Variants in TCF4 observed in about 807,000 individuals in gnomAD.
TCF4 encodes SL3-3 enhancer factor 2.
Under a neutral mutation model 82.1 loss-of-function variants are expected in TCF4, and 3 were observed. The observed-to-expected ratio is 0.04, with a 90% confidence interval of 0.02 to 0.09. The LOEUF (loss-of-function observed/expected upper bound fraction) is 0.09, where lower values mean the gene tolerates loss of function less well. Ranked by LOEUF, TCF4 falls within the 10% of genes least tolerant of loss-of-function variation. The pLI, the probability that TCF4 is intolerant of heterozygous loss-of-function variation, is 1.00. For synonymous variants in TCF4, 276 were observed against 309.6 expected, an observed-to-expected ratio of 0.89 and a Z score of 1.14; for missense variants, 518 against 852.7, an observed-to-expected ratio of 0.61 and a Z score of 4.89.
chr18:55,618,454 T>C (rs536962871), intron 2 of TCF4, among the ~76,000 whole-genome samples: 87 of 152,306 alleles, frequency 5.7e-4, no homozygotes, highest in African/African-American at 2.0e-3. Context: ...TGTTTCCTCT[T>C]TAATTTCTGA....
intron 8 of TCF4, among the ~76,000 whole-genome samples, chr18:55,309,963 A>G (rs1162228206): frequency 2.0e-5 from 3 of 152,252 alleles, no homozygotes; most frequent in Non-Finnish European, 4.4e-5. Context: ...AAAAATTACC[A>G]TAAAAATAGT....
intron 2 of TCF4, among the ~76,000 whole-genome samples, chr18:55,627,901 A>T (rs1330388925): frequency 2.0e-5 from 3 of 152,140 alleles, no homozygotes; most frequent in African/African-American, 7.2e-5. Flanking sequence ...TCTACTAAAA[A>T]TACAAAAAAT....
chr18:55,414,694 C>T (rs2094466931), intron 5 of TCF4, among the ~76,000 whole-genome samples: 1 of 152,156 alleles, frequency 6.6e-6, no homozygotes, highest in African/African-American at 2.4e-5. Flanking sequence ...GGTAGAGAGG[C>T]TGACACTCTT....
In TCF4 at chr18:55,515,762, G is replaced by C. The variant is rs190520592; in HGVS notation, c.146-51625C>G. Among the ~76,000 whole-genome samples, 436 of 152,236 alleles carry C rather than the reference G, an allele frequency of 2.9e-3. 3 individuals are homozygous for C. The highest frequency in any genetic ancestry group is 2.6e-3 in the Non-Finnish European group (180 of 68,008). On this transcript the variant is annotated intron_variant, in intron 3 of 19. Transcript: ENST00000354452. ...AATGTCGTGTGAGAAAACTTGGCTT[G>C]AAAAGGACAGAACAAAATGAAGAGA...
intron 2 of TCF4, among the ~76,000 whole-genome samples, chr18:55,624,280 G>T (rs914674253): frequency 1.3e-5 from 2 of 151,706 alleles, no homozygotes; most frequent in African/African-American, 4.8e-5. Flanking sequence ...AGACCTCCAC[G>T]AAGAATCAGC....
At chr18:55,401,173 G>A (rs2093795359) in intron 6 of TCF4, 5 of 1,236,422 alleles carry the variant, frequency 4.0e-6, no homozygotes, top group Non-Finnish European at 5.2e-6. Flanking sequence ...ACTATGGTCT[G>A]TTCTATTCTC....
At position 55,401,102 on chromosome 18, in the gene TCF4, G is replaced by A. The variant is rs2093789475; in HGVS notation, c.369+2352C>T. 4 of 1,288,934 alleles carry A rather than the reference G, an allele frequency of 3.1e-6. No individual in the cohort carries two copies. The African/African-American group carries it at 4.6e-5, about 15-fold the overall frequency. The allele number at this position is 1,288,934 out of a possible 1,614,324, so 79.8% of individuals were successfully genotyped here. A position where few individuals can be genotyped will look rare whatever the true frequency, so the allele number is the denominator to read the frequency against. On this transcript the variant is annotated intron_variant, in intron 6 of 19. Coordinates refer to ENST00000354452, the MANE Select transcript of TCF4 (RefSeq NM_001083962.2). ...TTTCTCTTTGGTTTGCATAGCTGAT[G>A]TTGTAGACAGGGATTCAAATAACAA...
intron 3 of TCF4, among the ~76,000 whole-genome samples, chr18:55,541,481 A>G (rs1471892466): frequency 6.6e-6 from 1 of 152,024 alleles, no homozygotes. Flanking sequence ...AATAAAAATC[A>G]TGTTGATGCT....
At position 55,524,772 on chromosome 18, in the gene TCF4, C is replaced by A. The variant is rs934686239; in HGVS notation, c.145+60508G>T. On this transcript the variant is annotated intron_variant, in intron 3 of 19. Coordinates refer to ENST00000354452, the MANE Select transcript of TCF4 (RefSeq NM_001083962.2). ...AACTGAAGGCCAGAGAATAATTTCC[C>A]ATCTGGTGTGCTGCTCTGAGTATCC... 2.6e-5 allele frequency among the ~76,000 whole-genome samples: 4 copies of A among 152,142 alleles called. No homozygotes were observed. The East Asian group carries it at 7.7e-4, about 29-fold the overall frequency.
intron 3 of TCF4, among the ~76,000 whole-genome samples, chr18:55,486,411 G>A (rs2145702787): frequency 6.6e-6 from 1 of 152,132 alleles, no homozygotes; most frequent in Middle Eastern, 3.4e-3. Flanking sequence ...GGCCAACATG[G>A]TGAAATTCCA....
At chr18:55,269,303 T>C (rs1180692785) in intron 11 of TCF4, 1 of 158,998 alleles carries the variant, frequency 6.3e-6, no homozygotes, top group African/African-American at 2.4e-5. Flanking sequence ...AGTGAACAAA[T>C]ACTTCTTCCC....
intron 15 of TCF4, among the ~76,000 whole-genome samples, chr18:55,251,678 C>G (rs1414493240): frequency 1.3e-5 from 2 of 152,286 alleles, no homozygotes; most frequent in East Asian, 1.9e-4. Flanking sequence ...CAATACAAAA[C>G]CGGGACTGGG....
At chr18:55,232,705 C>A in intron 16 of TCF4, 34 bp from the exon 17 acceptor site, 1 of 1,613,532 alleles carries the variant, frequency 6.2e-7, no homozygotes, top group Non-Finnish European at 8.5e-7. Flanking sequence ...GACATGTACA[C>A]CACAATCTCA....
chr18:55,428,005 T>C (rs1159895295), intron 5 of TCF4, among the ~76,000 whole-genome samples: 1 of 152,164 alleles, frequency 6.6e-6, no homozygotes, highest in African/African-American at 2.4e-5. Flanking sequence ...AAAAATCACA[T>C]TAGAAGTACA....
chr18:55,270,683 A>T (rs928792373), intron 10 of TCF4, among the ~76,000 whole-genome samples: 1 of 152,156 alleles, frequency 6.6e-6, no homozygotes, highest in Non-Finnish European at 1.5e-5. Flanking sequence ...ACTTGGTTTA[A>T]GACTCTGCTT....
intron 5 of TCF4, among the ~76,000 whole-genome samples, chr18:55,408,267 G>T (rs1268719093): frequency 6.6e-6 from 1 of 152,150 alleles, no homozygotes. Context: ...ATCTGATGCT[G>T]CAGGACAACA....
intron 3 of TCF4, among the ~76,000 whole-genome samples, chr18:55,527,881 T>C (rs1181808427): frequency 6.6e-6 from 1 of 152,150 alleles, no homozygotes; most frequent in Non-Finnish European, 1.5e-5. Flanking sequence ...GTTTTAAGTA[T>C]AGACACACCC....
intron 15 of TCF4, among the ~76,000 whole-genome samples, chr18:55,249,641 C>T (rs1441426833): frequency 6.6e-6 from 1 of 152,166 alleles, no homozygotes; most frequent in Non-Finnish European, 1.5e-5. Flanking sequence ...CCTGTGAATT[C>T]CTTGAGAGCA....
intron 15 of TCF4, among the ~76,000 whole-genome samples, chr18:55,246,466 A>C (rs900335794): frequency 6.6e-6 from 1 of 152,124 alleles, no homozygotes; most frequent in Non-Finnish European, 1.5e-5. Context: ...ATTCATGTGG[A>C]GAGAAGGGGA....
Sources: gnomAD v4.1 joint callset for allele counts (sites outside exome capture counted in the v4.1 genomes callset) on GRCh38, gnomAD v4.1.1 for gene constraint, MANE v1.5 for transcripts, NCBI Gene and HGNC (gene_info 2026-07-23, HGNC 2026-07-21) for gene names.